DGKI: variants seen among roughly 807,000 people sequenced by gnomAD.
DGKI encodes the protein diacylglycerol kinase iota, also known as DAG kinase iota.
DGKI carries 55 observed loss-of-function variants against 147.5 expected under a neutral mutation model. The ratio of observed to expected loss-of-function variants is 0.37; its 90% CI spans 0.30 to 0.47. The LOEUF (loss-of-function observed/expected upper bound fraction) is 0.47, where lower values mean the gene tolerates loss of function less well. Among genes scored for constraint, DGKI ranks in the 20% least tolerant of loss-of-function variants. The pLI is 1.00. For missense variants in DGKI, 1,007 were observed against 1,323.8 expected, an observed-to-expected ratio of 0.76 and a Z score of 3.71; for synonymous variants, 469 against 477.1, an observed-to-expected ratio of 0.98 and a Z score of 0.22.
In DGKI at chr7:137,722,454, C is replaced by T. The variant is rs371431270; in HGVS notation, c.402-32452G>A. On this transcript the variant is annotated intron_variant, in intron 1 of 32. Coordinates refer to ENST00000614521, the MANE Select transcript of DGKI (RefSeq NM_001321708.2). ...CCATTCTGATCATCCTCACTGGACG[C>T]CACAGGGGCAAGAGGGTGGTTTTCC... The T allele has an allele frequency of 1.3e-3, 2,122 of 1,611,166 alleles. 27 individuals carry two copies. In the African/African-American group the frequency reaches 0.025, roughly 19 times the overall value.
intron 1 of DGKI, among the ~76,000 whole-genome samples, chr7:137,825,654 T>C (rs890197218): frequency 4.0e-5 from 6 of 150,266 alleles, no homozygotes; most frequent in African/African-American, 1.5e-4. Flanking sequence ...TCACACGCAC[T>C]CACACACATA....
At chr7:137,628,723 A>G (rs1349619908) in intron 6 of DGKI, among the ~76,000 whole-genome samples, 2 of 152,214 alleles carry the variant, frequency 1.3e-5, no homozygotes, top group Admixed American at 6.5e-5. Context: ...ACATTGAGGA[A>G]TAAGGTCTTT....
At chr7:137,549,440 G>T (rs1333110663) in intron 20 of DGKI, among the ~76,000 whole-genome samples, 1 of 152,056 alleles carries the variant, frequency 6.6e-6, no homozygotes, top group African/African-American at 2.4e-5. Flanking sequence ...TGTGAAAGAA[G>T]CCTAATTTTT....
At chr7:137,620,047 A>G in intron 7 of DGKI, 107 bp from the exon 8 acceptor site, 1 of 758,150 alleles carries the variant, frequency 1.3e-6, no homozygotes, top group Non-Finnish European at 2.3e-6. Flanking sequence ...ACACACACAC[A>G]CACACACTCA....
Position 137,803,955 on chromosome 7 carries a change from C to T in DGKI, c.401+42507G>A, listed in dbSNP as rs148978853. 4.6e-3 allele frequency among the ~76,000 whole-genome samples: 695 copies of T among 152,312 alleles called. 6 individuals carry two copies. Among genetic ancestry groups the T allele is most frequent in the Non-Finnish European group, 6.9e-3 (472 of 68,030 alleles). On this transcript the variant is annotated intron_variant, in intron 1 of 32. Coordinates refer to ENST00000614521, the MANE Select transcript of DGKI (RefSeq NM_001321708.2). ...GTTTTTCATTTTCTGAAAATATAAG[C>T]TAACAAGCATGCCCACTTTGCACAA... is the stretch of plus-strand genomic sequence containing the variant.
intron 28 of DGKI, among the ~76,000 whole-genome samples, chr7:137,440,046 T>C (rs558954736): frequency 6.6e-6 from 1 of 152,208 alleles, no homozygotes; most frequent in Admixed American, 6.5e-5. Context: ...GCCTGTAAAA[T>C]AAGCAGGCTA....
At chr7:137,781,327 G>T (rs969697784) in intron 1 of DGKI, among the ~76,000 whole-genome samples, 4 of 152,164 alleles carry the variant, frequency 2.6e-5, no homozygotes, top group Non-Finnish European at 4.4e-5. Context: ...CTTAGCAATG[G>T]GGGGAGGGTA....
At position 137,751,546 on chromosome 7, in the gene DGKI, T is replaced by A. The variant is rs554510201; in HGVS notation, c.402-61544A>T. On this transcript the variant is annotated intron_variant, in intron 1 of 32. Transcript: ENST00000614521. ...TCAAGCTCTTCTGATTGGTTTAGAA[T>A]ATGCTTGAGTATAGATAATGACTCA... Among the ~76,000 whole-genome samples the A allele has an allele frequency of 6.6e-5, 10 of 152,366 alleles. 1 individual carries two copies. Among genetic ancestry groups the A allele is most frequent in the Non-Finnish European group, 1.3e-4 (9 of 68,040 alleles).
chr7:137,733,690 T>C (rs1794946406), intron 1 of DGKI, among the ~76,000 whole-genome samples: 1 of 152,112 alleles, frequency 6.6e-6, no homozygotes, highest in African/African-American at 2.4e-5. Context: ...CAATGAACAA[T>C]AAGTAAATCA....
At chr7:137,413,005 C>T (rs2128901723) in intron 28 of DGKI, among the ~76,000 whole-genome samples, 1 of 152,216 alleles carries the variant, frequency 6.6e-6, no homozygotes, top group South Asian at 2.1e-4. Context: ...CATGGTGGCT[C>T]ATGCCTGTAA....
chr7:137,542,338 T>C lies in DGKI; in HGVS notation c.2147+10031A>G, dbSNP rs537048375. On this transcript the variant is annotated intron_variant, in intron 20 of 32. Coordinates refer to ENST00000614521, the MANE Select transcript of DGKI (RefSeq NM_001321708.2). Reference sequence around the variant, plus strand: ...ATGTTTATAGGAACTCTACTCATTATTGCCCCAAACTGGAAGAATAACCCA... The same window carrying C: ...ATGTTTATAGGAACTCTACTCATTACTGCCCCAAACTGGAAGAATAACCCA... Among the ~76,000 whole-genome samples the C allele has an allele frequency of 9.2e-5, 14 of 152,340 alleles. No homozygotes were observed. The South Asian group carries it at 2.9e-3, about 32-fold the overall frequency.
chr7:137,388,016 G>C lies in DGKI; in HGVS notation c.*3204C>G, dbSNP rs866814596. 6.6e-6 allele frequency: 1 copy of C among 152,172 alleles called. No individual in the cohort carries two copies. The highest frequency in any genetic ancestry group is 2.4e-5 in the African/African-American group (1 of 41,442). 9.4% of individuals were successfully genotyped at this position (152,172 alleles called of 1,614,324 possible). On this transcript the variant is annotated 3_prime_UTR_variant, in exon 33 of 33. Transcript: ENST00000614521. Reference sequence around the variant, plus strand: ...CATTCTGAAAGGATAAGGAGCAACAGGTATGTACGGCTCTCCATCAGTCAT... The same window carrying C: ...CATTCTGAAAGGATAAGGAGCAACACGTATGTACGGCTCTCCATCAGTCAT...
At chr7:137,408,244 A>T (rs182241818) in intron 29 of DGKI, among the ~76,000 whole-genome samples, 127 of 152,260 alleles carry the variant, frequency 8.3e-4, no homozygotes, top group African/African-American at 2.8e-3. Context: ...AATCATGCTG[A>T]ATTACTTTTT....
At chr7:137,720,327 G>T (rs1255636355) in intron 1 of DGKI, among the ~76,000 whole-genome samples, 1 of 132,636 alleles carries the variant, frequency 7.5e-6, no homozygotes, top group Non-Finnish European at 1.5e-5. Flanking sequence ...GTGCGATCTC[G>T]GCTCACTGCA....
chr7:137,566,991 ATGGTGGCTCATGCC>A (rs1282101656), intron 19 of DGKI, among the ~76,000 whole-genome samples: 1 of 106,014 alleles, frequency 9.4e-6, no homozygotes, highest in Non-Finnish European at 1.7e-5. Flanking sequence ...CAGGCCAGGC[ATGGTGGCTCATGCC>A]TGTAACCCAA....
intron 29 of DGKI, among the ~76,000 whole-genome samples, chr7:137,409,420 A>G (rs1007386877): frequency 6.6e-6 from 1 of 152,190 alleles, no homozygotes; most frequent in Non-Finnish European, 1.5e-5. Flanking sequence ...AGTAATGGAC[A>G]GGAACATCAC....
At chr7:137,695,945 C>T (rs575093071) in intron 1 of DGKI, among the ~76,000 whole-genome samples, 2 of 152,210 alleles carry the variant, frequency 1.3e-5, no homozygotes, top group South Asian at 2.1e-4. Context: ...ATAAAAATAG[C>T]GCCTAACTCA....
At chr7:137,543,387 G>A (rs1158484855) in intron 20 of DGKI, among the ~76,000 whole-genome samples, 1 of 152,058 alleles carries the variant, frequency 6.6e-6, no homozygotes, top group African/African-American at 2.4e-5. Flanking sequence ...GTCATATATG[G>A]TCAAAACATA....
chr7:137,412,178 G>C lies in DGKI; in HGVS notation c.2791C>G (p.Leu931Val), dbSNP rs867404435. ...AILQAVIAGD[L>V]MKLIESYKNG... is the part of the protein sequence containing the mutation. ...GTAGGAAGATATCTTACCTTCATAA[G>C]ATCACCAGCTATTACTGCCTGCAAA... The change falls in exon 29 of 33, where the codon CTT becomes GTT. Residue 931 changes from leucine (L) to valine (V), a missense_variant. Physicochemically the swap from Leu to Val is conservative, Grantham distance 32 (BLOSUM62 1). This residue lies in a region of DGKI where 385 missense variants were observed against 445.2 expected (regional missense o/e 0.86). Coordinates refer to ENST00000614521, the MANE Select transcript of DGKI (RefSeq NM_001321708.2). 1 of 1,613,908 alleles carries C rather than the reference G, an allele frequency of 6.2e-7. No homozygotes were observed. Among genetic ancestry groups the C allele is most frequent in the South Asian group, 1.1e-5 (1 of 91,076 alleles).
Sources: allele counts gnomAD v4.1 joint callset (sites outside exome capture counted in the v4.1 genomes callset), GRCh38; gene constraint gnomAD v4.1.1; regional missense constraint gnomAD v4.1.1; transcripts MANE v1.5; gene names NCBI Gene and HGNC (gene_info 2026-07-23, HGNC 2026-07-21).